The following CASD1 variants were observed in gnomAD, a reference collection of about 807,000 sequenced individuals.
The protein encoded by CASD1 is N-acetylneuraminate (7)9-O-acetyltransferase.
CASD1 carries 41 observed loss-of-function variants against 100.0 expected under a neutral mutation model. That is an observed-to-expected ratio of 0.41 (90% CI 0.32 to 0.53). The LOEUF (loss-of-function observed/expected upper bound fraction) is 0.53. Ranked by LOEUF, CASD1 falls within the 20% of genes least tolerant of loss-of-function variation. CASD1 has a pLI of 0.25. For synonymous variants in CASD1, 321 were observed against 315.6 expected, an observed-to-expected ratio of 1.02 and a Z score of -0.18; for missense variants, 774 against 948.7, an observed-to-expected ratio of 0.82 and a Z score of 2.42.
intron 1 of CASD1, among the ~76,000 whole-genome samples, chr7:94,517,201 G>T (rs1584376107): frequency 6.6e-6 from 1 of 152,226 alleles, no homozygotes; most frequent in Admixed American, 6.5e-5. Flanking sequence ...ACCGTGCCTG[G>T]CCTCCCTGAA....
the CASD1 span, chr7:94,597,747 A>AC: frequency 6.6e-6 from 1 of 152,268 alleles, no homozygotes; most frequent in Admixed American, 6.6e-5. Context: ...GGTGGCTCAC[A>AC]CCTGTAATCC....
At chr7:94,572,847 G>A in the CASD1 span, among the ~76,000 whole-genome samples, 1 of 151,948 alleles carries the variant, frequency 6.6e-6, no homozygotes, top group Non-Finnish European at 1.5e-5. Context: ...TGTCTTTCAG[G>A]GTTTTTATAA....
chr7:94,513,018 G>A (rs1562930068), intron 1 of CASD1, among the ~76,000 whole-genome samples: 1 of 152,116 alleles, frequency 6.6e-6, no homozygotes, highest in African/African-American at 2.4e-5. Context: ...CATTTTCCAG[G>A]GAAGCATGGG....
chr7:94,525,544 G>T (rs1299121374), intron 3 of CASD1, among the ~76,000 whole-genome samples: 1 of 152,128 alleles, frequency 6.6e-6, no homozygotes, highest in Non-Finnish European at 1.5e-5. Context: ...ATTAAAAAAG[G>T]AAAAAGAAGA....
At chr7:94,529,156 A>T (rs1340376085) in intron 5 of CASD1, among the ~76,000 whole-genome samples, 2 of 152,164 alleles carry the variant, frequency 1.3e-5, no homozygotes, top group African/African-American at 2.4e-5. Flanking sequence ...TTTTGTTTAT[A>T]TGTTTTTAAA....
At chr7:94,528,564 G>A (rs886908422) in intron 5 of CASD1, among the ~76,000 whole-genome samples, 13 of 152,150 alleles carry the variant, frequency 8.5e-5, no homozygotes, top group African/African-American at 2.9e-4. Context: ...CCAGCACAGT[G>A]TATATTCTCT....
chr7:94,605,057 A>T, the CASD1 span, among the ~76,000 whole-genome samples: 1 of 151,708 alleles, frequency 6.6e-6, no homozygotes, highest in Non-Finnish European at 1.5e-5. Context: ...AGATCTACTT[A>T]TATTCATTCT....
the CASD1 span, chr7:94,590,936 C>A: frequency 6.6e-6 from 1 of 151,904 alleles, no homozygotes; most frequent in Non-Finnish European, 1.5e-5. Flanking sequence ...ATAGGTAACA[C>A]CTTTGAGAGT....
intron 11 of CASD1, among the ~76,000 whole-genome samples, chr7:94,545,296 A>AG (rs1273348801): frequency 6.6e-6 from 1 of 152,114 alleles, no homozygotes; most frequent in Non-Finnish European, 1.5e-5. Context: ...TTATAGCCAG[A>AG]GGACAGCTCA....
the CASD1 span, among the ~76,000 whole-genome samples, chr7:94,572,423 G>A: frequency 9.2e-5 from 14 of 152,032 alleles, no homozygotes; most frequent in African/African-American, 2.9e-4. Context: ...GGCTTGGTTG[G>A]TGGTGGTATA....
At chr7:94,587,605 G>A in the CASD1 span, 3 of 1,381,580 alleles carry the variant, frequency 2.2e-6, no homozygotes, top group African/African-American at 4.6e-5. Flanking sequence ...AACAAAGTTT[G>A]TTCCTTCATC....
At chr7:94,545,779 T>A in intron 12 of CASD1, 78 bp downstream of exon 12, 1 of 880,406 alleles carries the variant, frequency 1.1e-6, no homozygotes. Context: ...CTAAATGATA[T>A]TATTTTTATT....
At chr7:94,568,466 C>A in the CASD1 span, among the ~76,000 whole-genome samples, 33 of 152,004 alleles carry the variant, frequency 2.2e-4, no homozygotes, top group Non-Finnish European at 3.2e-4. Context: ...AAAAGATTGA[C>A]AAAATCTGCT....
intron 15 of CASD1, chr7:94,552,085 T>C (rs1795978297): frequency 2.6e-6 from 1 of 378,666 alleles, no homozygotes; most frequent in African/African-American, 2.1e-5. Context: ...AGGTGTTTCA[T>C]ATGGAGAGCC....
At chr7:94,535,626 T>A in intron 8 of CASD1, 103 bp downstream of exon 8, 2 of 792,734 alleles carry the variant, frequency 2.5e-6, no homozygotes, top group Non-Finnish European at 4.1e-6. Flanking sequence ...TTTATTGCAG[T>A]CTTAGTAACT....
At chr7:94,523,185 G>C (rs1412981662) in intron 3 of CASD1, among the ~76,000 whole-genome samples, 1 of 152,106 alleles carries the variant, frequency 6.6e-6, no homozygotes, top group Non-Finnish European at 1.5e-5. Flanking sequence ...GTTCAACATT[G>C]TATTAGAGAT....
chr7:94,618,915 T>C, the CASD1 span: 1 of 1,613,984 alleles, frequency 6.2e-7, no homozygotes, highest in Non-Finnish European at 8.5e-7. Flanking sequence ...TCTACATTCA[T>C]ATTCTTAATG....
the CASD1 span, among the ~76,000 whole-genome samples, chr7:94,613,066 AGGTAGCCTACT>A: frequency 2.6e-5 from 4 of 152,236 alleles, no homozygotes; most frequent in Non-Finnish European, 5.9e-5. Context: ...CACTGTCCTC[AGGTAGCCTACT>A]GGCTAAATGA....
rs1330815335 is a variant in CASD1, at chr7:94,518,882, A to G, written c.351+559A>G. On this transcript the variant is annotated intron_variant, in intron 3 of 17. Transcript: ENST00000297273. The stretch of plus-strand genomic sequence containing the variant: ...TCTAATTTAATTTTGCAGTTAAAAA[A>G]TACATTTTAAATTACTTCTTTGTGT... 3.3e-5 allele frequency among the ~76,000 whole-genome samples: 5 copies of G among 152,210 alleles called. No individual in the cohort carries two copies. In the East Asian group the frequency reaches 9.6e-4, roughly 29 times the overall value.
Sources: gnomAD v4.1 joint callset for allele counts (sites outside exome capture counted in the v4.1 genomes callset) on GRCh38, gnomAD v4.1.1 for gene constraint, MANE v1.5 for transcripts, NCBI Gene and HGNC (gene_info 2026-07-23, HGNC 2026-07-21) for gene names.